Variants in DNAJC15 observed in about 807,000 individuals in gnomAD.
The protein encoded by DNAJC15 is dnaJ homolog subfamily C member 15.
In DNAJC15, 27 loss-of-function variants were observed where a neutral mutation model predicts 22.4. The observed-to-expected ratio is 1.20, with a 90% confidence interval of 0.89 to 1.66. The LOEUF (loss-of-function observed/expected upper bound fraction) is 1.66, where lower values mean the gene tolerates loss of function less well. Among genes scored for constraint, DNAJC15 ranks in the 40% most tolerant of loss-of-function variants. The pLI is 0.00. For missense variants in DNAJC15, 208 were observed against 187.1 expected (o/e 1.11, Z -0.65); for synonymous variants, 79 against 63.2 (o/e 1.25, Z -1.19).
intron 1 of DNAJC15, among the ~76,000 whole-genome samples, chr13:43,051,215 C>T (rs1348083721): frequency 5.3e-5 from 8 of 152,106 alleles, no homozygotes; most frequent in Admixed American, 1.3e-4. Flanking sequence ...TGACCTCAGA[C>T]GATCCACCCA....
chr13:43,059,165 G>GT (rs113968552), intron 1 of DNAJC15, among the ~76,000 whole-genome samples: 33,486 of 151,850 alleles, frequency 0.22, 4,414 homozygotes, highest in Non-Finnish European at 0.3. Flanking sequence ...TCTTTTTGTT[G>GT]TTTTTAAAGG....
chr13:43,055,715 T>G (rs1463619444), intron 1 of DNAJC15, among the ~76,000 whole-genome samples: 1 of 152,230 alleles, frequency 6.6e-6, no homozygotes, highest in East Asian at 1.9e-4. Flanking sequence ...TTGTTGTTGC[T>G]GTTTCAATTT....
rs527386508 is a variant in DNAJC15, at chr13:43,023,685, T to A, written c.59T>A (p.Leu20Ter). The A allele has an allele frequency of 1.1e-5, 17 of 1,612,914 alleles. No homozygotes were observed. The East Asian group carries it at 3.1e-4, about 30-fold the overall frequency. ...VGESLRYAEYLQPSAKRPDAD... is the reference protein window; with the variant it reads ...VGESLRYAEY ...GAGAGTTTGCGCTACGCTGAGTACT[T>A]GCAGCCCTCGGCCAAACGGCCAGAC... Residue 20 changes from leucine (L) to a stop codon, truncating the protein, a stop_gained, in exon 1 of 6, where the codon TTG becomes TAG. Coordinates refer to ENST00000379221, the MANE Select transcript of DNAJC15 (RefSeq NM_013238.3). LOFTEE classifies it high-confidence loss of function.
chr13:43,046,823 T>TA (rs1209404849), intron 1 of DNAJC15, among the ~76,000 whole-genome samples: 1 of 152,190 alleles, frequency 6.6e-6, no homozygotes, highest in Non-Finnish European at 1.5e-5. Context: ...GCCGCTGACT[T>TA]ACACCCCTCT....
intron 3 of DNAJC15, among the ~76,000 whole-genome samples, chr13:43,070,440 G>C (rs1475427995): frequency 6.6e-6 from 1 of 151,570 alleles, no homozygotes; most frequent in Non-Finnish European, 1.5e-5. Context: ...ACATGTTAGT[G>C]GAGAGACACA....
At chr13:43,042,527 G>A (rs1404459846) in intron 1 of DNAJC15, among the ~76,000 whole-genome samples, 1 of 152,160 alleles carries the variant, frequency 6.6e-6, no homozygotes, top group African/African-American at 2.4e-5. Flanking sequence ...AGGATGGGGG[G>A]ATATGACTCA....
At chr13:43,052,437 GAC>G (rs1337405292) in intron 1 of DNAJC15, among the ~76,000 whole-genome samples, 25 of 149,634 alleles carry the variant, frequency 1.7e-4, no homozygotes, top group Middle Eastern at 3.2e-3. Flanking sequence ...TTTTTTTTGA[GAC>G]AGAGTCTCAC....
rs767393745 is a variant in DNAJC15 at position 43,078,655 on chromosome 13, G to A, written c.278G>A (p.Ser93Asn). ...AAAGGAGGATTTGAACAGAAAATGAGTAGGCGAGAAGCTGGTCTTATTTTA... is the reference window on the plus strand; with the variant it reads ...AAAGGAGGATTTGAACAGAAAATGAATAGGCGAGAAGCTGGTCTTATTTTA... ...YYKGGFEQKMSRREAGLILGV... is the reference protein window; with the variant it reads ...YYKGGFEQKMNRREAGLILGV... The change falls in exon 4 of 6, where the codon AGT becomes AAT. Residue 93 changes from serine to asparagine, a missense_variant. Physicochemically the swap from Ser to Asn is conservative, Grantham distance 46. Transcript: ENST00000379221. The A allele has an allele frequency of 1.2e-6, 2 of 1,613,728 alleles. No homozygotes were observed. Among genetic ancestry groups the A allele is most frequent in the Non-Finnish European group, 1.7e-6 (2 of 1,179,748 alleles).
intron 1 of DNAJC15, among the ~76,000 whole-genome samples, chr13:43,048,305 C>G (rs986272288): frequency 6.8e-6 from 1 of 147,472 alleles, no homozygotes. Context: ...AATGGAGAAA[C>G]CTCGTCTCTA....
intron 5 of DNAJC15, among the ~76,000 whole-genome samples, chr13:43,095,766 A>T (rs1411251406): frequency 1.3e-5 from 2 of 152,210 alleles, no homozygotes; most frequent in Non-Finnish European, 2.9e-5. Flanking sequence ...GAATGCTGCT[A>T]TGAGAACCAT....
chr13:43,045,832 T>C (rs2040474789), intron 1 of DNAJC15, among the ~76,000 whole-genome samples: 1 of 152,252 alleles, frequency 6.6e-6, no homozygotes, highest in Non-Finnish European at 1.5e-5. Flanking sequence ...GCTTAATTTT[T>C]TTCCATAGCA....
At chr13:43,104,412 C>A (rs572395544) in intron 5 of DNAJC15, among the ~76,000 whole-genome samples, 2 of 152,336 alleles carry the variant, frequency 1.3e-5, no homozygotes, top group Non-Finnish European at 2.9e-5. Context: ...CAAGACCTGA[C>A]TGACTTGGTA....
chr13:43,102,822 G>C (rs1370471892), intron 5 of DNAJC15, among the ~76,000 whole-genome samples: 1 of 151,940 alleles, frequency 6.6e-6, no homozygotes, highest in African/African-American at 2.4e-5. Flanking sequence ...ATTTTCATTA[G>C]GGTTTGTTAT....
intron 1 of DNAJC15, among the ~76,000 whole-genome samples, chr13:43,036,000 T>C (rs965592828): frequency 3.9e-5 from 6 of 152,220 alleles, no homozygotes. Context: ...GTGCTGGGAT[T>C]ACATGTGTAA....
At chr13:43,047,534 G>A (rs951941775) in intron 1 of DNAJC15, among the ~76,000 whole-genome samples, 1 of 152,214 alleles carries the variant, frequency 6.6e-6, no homozygotes, top group Non-Finnish European at 1.5e-5. Flanking sequence ...CGTTCACATA[G>A]GTGCTGGTTA....
chr13:43,102,853 A>C (rs1025362676), intron 5 of DNAJC15, among the ~76,000 whole-genome samples: 1 of 152,112 alleles, frequency 6.6e-6, no homozygotes, highest in Non-Finnish European at 1.5e-5. Context: ...CCAGCCTCAT[A>C]AAAAGAGTTT....
Position 43,107,454 on chromosome 13 carries a change from A to T in DNAJC15, c.*206A>T, listed in dbSNP as rs2040802838. 2 of 352,406 alleles carry T rather than the reference A, an allele frequency of 5.7e-6. No individual in the cohort carries two copies. The highest frequency in any genetic ancestry group is 4.3e-5 in the African/African-American group (2 of 46,578). 21.8% of individuals were successfully genotyped at this position (352,406 alleles called of 1,614,324 possible). Reference sequence around the variant, plus strand: ...AAGATCTCCTTAAATTCTATAACTGATCTTTTTTCTTATTTTGTTTGTGAC... The same window carrying T: ...AAGATCTCCTTAAATTCTATAACTGTTCTTTTTTCTTATTTTGTTTGTGAC... On this transcript the variant is annotated 3_prime_UTR_variant, in exon 6 of 6. Coordinates refer to ENST00000379221, the MANE Select transcript of DNAJC15 (RefSeq NM_013238.3).
chr13:43,030,578 A>G (rs186708189), intron 1 of DNAJC15, among the ~76,000 whole-genome samples: 27 of 152,306 alleles, frequency 1.8e-4, no homozygotes, highest in Admixed American at 7.8e-4. Flanking sequence ...ATTTTTGTTC[A>G]TTTATTTATT....
intron 5 of DNAJC15, among the ~76,000 whole-genome samples, chr13:43,106,490 A>T (rs765769970): frequency 6.6e-6 from 1 of 152,152 alleles, no homozygotes; most frequent in Non-Finnish European, 1.5e-5. Flanking sequence ...AGAACTCTAA[A>T]AAAGAACTGA....
Sources: allele counts gnomAD v4.1 joint callset (sites outside exome capture counted in the v4.1 genomes callset), GRCh38; gene constraint gnomAD v4.1.1; transcripts MANE v1.5; gene names NCBI Gene and HGNC (gene_info 2026-07-23, HGNC 2026-07-21).